ADAM28: variants seen among roughly 807,000 people sequenced by gnomAD.
ADAM28 encodes ADAM metallopeptidase domain 28.
Under a neutral mutation model 101.2 loss-of-function variants are expected in ADAM28, and 105 were observed. The observed-to-expected ratio is 1.04, with a 90% CI of 0.89 to 1.22. The LOEUF is 1.22. Ranked by LOEUF, ADAM28 falls within the 50% of genes most tolerant of loss-of-function variation. ADAM28 has a pLI of 0.00. For missense variants in ADAM28, 1,028 were observed against 945.4 expected (o/e 1.09, Z -1.15); for synonymous variants, 322 against 310.6 (o/e 1.04, Z -0.39).
intron 5 of ADAM28, 72 bp from the exon 6 acceptor site, chr8:24,313,316 G>T (rs764504658): frequency 5.1e-6 from 7 of 1,382,660 alleles, no homozygotes; most frequent in Non-Finnish European, 6.7e-6. Flanking sequence ...GTCCTCTTTT[G>T]GATCTTATAA....
intron 6 of ADAM28, among the ~76,000 whole-genome samples, chr8:24,317,592 T>C (rs551561641): frequency 2.6e-5 from 4 of 151,268 alleles, no homozygotes; most frequent in Non-Finnish European, 4.4e-5. Context: ...TAAAAGAAAA[T>C]AGAGGGGAAA....
intron 18 of ADAM28, among the ~76,000 whole-genome samples, chr8:24,348,760 C>A (rs1301888961): frequency 1.3e-5 from 2 of 152,274 alleles, no homozygotes; most frequent in Admixed American, 6.5e-5. Context: ...TGTTATACTT[C>A]CATCTGTCCT....
intron 16 of ADAM28, among the ~76,000 whole-genome samples, chr8:24,342,602 A>C (rs998429571): frequency 6.6e-5 from 10 of 152,190 alleles, no homozygotes; most frequent in Non-Finnish European, 1.2e-4. Context: ...CATCAAGGGC[A>C]AGGAATTTTA....
At chr8:24,302,190 GT>G (rs1808870414) in intron 2 of ADAM28, among the ~76,000 whole-genome samples, 1 of 152,150 alleles carries the variant, frequency 6.6e-6, no homozygotes, top group Admixed American at 6.5e-5. Flanking sequence ...AACATGTGGT[GT>G]TTGGTTTTCT....
intron 8 of ADAM28, among the ~76,000 whole-genome samples, chr8:24,321,680 A>C (rs77565328): frequency 0.017 from 2,655 of 152,076 alleles, 85 homozygotes; most frequent in African/African-American, 0.06. Context: ...CTCATGTAAT[A>C]CCCAGAACAA....
intron 2 of ADAM28, among the ~76,000 whole-genome samples, chr8:24,301,484 A>C (rs913660939): frequency 6.6e-6 from 1 of 152,236 alleles, no homozygotes; most frequent in African/African-American, 2.4e-5. Flanking sequence ...AAGTTGGAAA[A>C]AAAAATAAGG....
chr8:24,332,775 T>C (rs1389459873), intron 13 of ADAM28, 26 bp downstream of exon 13: 2 of 1,246,380 alleles, frequency 1.6e-6, no homozygotes, highest in East Asian at 2.8e-5. Context: ...TCTATTTTAA[T>C]AATTATGATT....
At chr8:24,313,095 G>A (rs576386571) in intron 5 of ADAM28, among the ~76,000 whole-genome samples, 2 of 152,136 alleles carry the variant, frequency 1.3e-5, no homozygotes, top group African/African-American at 4.8e-5. Context: ...TTGGAAGAAT[G>A]CTGTACCAAG....
At chr8:24,296,989 A>G (rs1182144324) in intron 1 of ADAM28, among the ~76,000 whole-genome samples, 1 of 152,160 alleles carries the variant, frequency 6.6e-6, no homozygotes, top group East Asian at 1.9e-4. Flanking sequence ...AGATCCCATT[A>G]TTTCAGGGAC....
intron 2 of ADAM28, among the ~76,000 whole-genome samples, chr8:24,307,838 C>A (rs559923948): frequency 6.6e-6 from 1 of 152,308 alleles, no homozygotes; most frequent in Non-Finnish European, 1.5e-5. Flanking sequence ...CACAATTCCT[C>A]CCTCAGATTG....
At position 24,349,856 on chromosome 8, in the gene ADAM28, T is replaced by C; in HGVS notation, c.1991-8T>C. ...CAGTCCTCAGCGGGCCCCTGTTCTCTGCTGCAGACTTCTCCATTGTGGTTG... is the reference window on the plus strand; with the variant it reads ...CAGTCCTCAGCGGGCCCCTGTTCTCCGCTGCAGACTTCTCCATTGTGGTTG... On this transcript the variant is annotated splice_polypyrimidine_tract_variant and splice_region_variant and intron_variant, in intron 18 of 22. Transcript: ENST00000265769. 1.2e-6 allele frequency: 2 copies of C among 1,613,100 alleles called. No individual in the cohort carries two copies. Among genetic ancestry groups the C allele is most frequent in the Admixed American group, 3.3e-5 (2 of 59,996 alleles).
chr8:24,334,018 A>AAT (rs1813696944), intron 13 of ADAM28, among the ~76,000 whole-genome samples: 1 of 152,122 alleles, frequency 6.6e-6, no homozygotes, highest in African/African-American at 2.4e-5. Flanking sequence ...TTTTGTTTTT[A>AAT]ATGTCAGAGA....
intron 13 of ADAM28, among the ~76,000 whole-genome samples, chr8:24,334,723 T>G (rs913840602): frequency 6.6e-6 from 1 of 152,188 alleles, no homozygotes; most frequent in African/African-American, 2.4e-5. Context: ...TTTGACGCAT[T>G]GAAAACATAC....
intron 14 of ADAM28, among the ~76,000 whole-genome samples, chr8:24,336,580 C>CAAAAAAA (rs769016133): frequency 4.9e-5 from 3 of 61,630 alleles, no homozygotes; most frequent in East Asian, 8.9e-4. Context: ...ACTCCGTCTC[C>CAAAAAAA]AAAAAAAAAA....
chr8:24,309,900 T>G lies in ADAM28; in HGVS notation c.157T>G (p.Phe53Val), dbSNP rs1281008617. The G allele has an allele frequency of 6.5e-7, 1 of 1,548,514 alleles. No homozygotes were observed. Among genetic ancestry groups the G allele is most frequent in the East Asian group, 2.2e-5 (1 of 44,552 alleles). Residue 53 changes from phenylalanine (F) to valine (V), a missense_variant, in exon 3 of 23, where the codon TTT becomes GTT. By Grantham distance (50) the Phe-to-Val change is conservative. Coordinates refer to ENST00000265769, the MANE Select transcript of ADAM28 (RefSeq NM_014265.6). ...TGTTTGTGTATTTTTGCAGGAACAA[T>G]TTGAAACTGAATTAAAGTATAAAAT... ...EAKEPEQQEQ[F>V]ETELKYKMTI...
At chr8:24,344,346 T>C (rs897023125) in intron 18 of ADAM28, among the ~76,000 whole-genome samples, 1 of 152,166 alleles carries the variant, frequency 6.6e-6, no homozygotes, top group Non-Finnish European at 1.5e-5. Flanking sequence ...CTGTCTGATA[T>C]AGTGTAGGTA....
chr8:24,332,789 T>C, intron 13 of ADAM28, 40 bp downstream of exon 13: 3 of 1,098,640 alleles, frequency 2.7e-6, no homozygotes, highest in Non-Finnish European at 2.5e-6. Context: ...TATGATTACA[T>C]TTTTATACAT....
chr8:24,350,658 A>T (rs1815991166), intron 19 of ADAM28, among the ~76,000 whole-genome samples: 1 of 152,144 alleles, frequency 6.6e-6, no homozygotes, highest in Non-Finnish European at 1.5e-5. Context: ...ACTTCACAAG[A>T]ACTTCATAAA....
chr8:24,339,613 A>G, intron 15 of ADAM28, 45 bp downstream of exon 15: 6 of 1,460,360 alleles, frequency 4.1e-6, no homozygotes, highest in Non-Finnish European at 5.7e-6. Flanking sequence ...GACTAGAGCA[A>G]TGGTACACTT....
Sources: allele counts gnomAD v4.1 joint callset (sites outside exome capture counted in the v4.1 genomes callset), GRCh38; gene constraint gnomAD v4.1.1; transcripts MANE v1.5; gene names NCBI Gene and HGNC (gene_info 2026-07-23, HGNC 2026-07-21).